Variants in SHISA6 observed in about 807,000 individuals in gnomAD.
SHISA6 encodes the protein shisa family member 6, also known as protein shisa-6.
Under a neutral mutation model 47.9 loss-of-function variants are expected in SHISA6, and 22 were observed. That is an observed-to-expected ratio of 0.46 (90% confidence interval 0.33 to 0.66). The LOEUF (loss-of-function observed/expected upper bound fraction) is 0.66, where lower values mean the gene tolerates loss of function less well. Among genes scored for constraint, SHISA6 ranks in the 30% least tolerant of loss-of-function variants. The pLI is 0.02. For synonymous variants in SHISA6, 388 were observed against 337.8 expected, an observed-to-expected ratio of 1.15 and a Z score of -1.63; for missense variants, 680 against 764.6, an observed-to-expected ratio of 0.89 and a Z score of 1.30.
At chr17:11,390,326 G>T (rs1157246323) in intron 3 of SHISA6, among the ~76,000 whole-genome samples, 1 of 152,106 alleles carries the variant, frequency 6.6e-6, no homozygotes. Context: ...ACTTATCAGG[G>T]CTGTTGTGGA....
chr17:11,378,271 G>A (rs764290224), intron 2 of SHISA6, among the ~76,000 whole-genome samples: 4 of 152,274 alleles, frequency 2.6e-5, no homozygotes, highest in African/African-American at 9.6e-5. Context: ...AATAGCACTC[G>A]TGTTCCTACT....
At position 11,490,205 on chromosome 17, in the gene SHISA6, A is replaced by T. The variant is rs996921934; in HGVS notation, c.896-61691A>T. Among the ~76,000 whole-genome samples the T allele has an allele frequency of 8.5e-5, 13 of 152,312 alleles. No homozygotes were observed. In the East Asian group the frequency reaches 2.5e-3, roughly 29 times the overall value. The stretch of plus-strand genomic sequence containing the variant: ...TAGTTCCTGGGTAGAGAGACCTTGT[A>T]GATGCATAGCGTGGGGCTGCAGAGT... On this transcript the variant is annotated intron_variant, in intron 3 of 5. Transcript: ENST00000441885.
At chr17:11,420,238 C>A (rs1158548712) in intron 3 of SHISA6, among the ~76,000 whole-genome samples, 5 of 152,140 alleles carry the variant, frequency 3.3e-5, no homozygotes, top group Admixed American at 3.3e-4. Context: ...ACAAGGAATT[C>A]ATCTGGGCTT....
Position 11,241,237 on chromosome 17 carries a change from G to C in SHISA6, c.-186G>C, listed in dbSNP as rs1373343844. On this transcript the variant is annotated 5_prime_UTR_variant, in exon 1 of 6. Coordinates refer to ENST00000441885, the MANE Select transcript of SHISA6 (RefSeq NM_207386.4). The surrounding 1 kb of genome is among the most constrained non-coding windows in gnomAD (Gnocchi z 5.5). ...TGAGAGCCCGAGCAGCCCGCGCCGG[G>C]CCGGTCCGTGCGCACCGCGCGCCGC... 3 of 166,676 alleles carry C rather than the reference G, an allele frequency of 1.8e-5. No homozygotes were observed. 10.3% of individuals were successfully genotyped at this position (166,676 alleles called of 1,614,324 possible). A position where few individuals can be genotyped will look rare whatever the true frequency, so the allele number is the denominator to read the frequency against.
chr17:11,472,492 C>A (rs541351031), intron 3 of SHISA6, among the ~76,000 whole-genome samples: 12 of 152,266 alleles, frequency 7.9e-5, no homozygotes, highest in African/African-American at 2.9e-4. Context: ...AACCATGGTG[C>A]CCAATCAGGT....
chr17:11,402,235 T>A (rs1358527137), intron 3 of SHISA6, among the ~76,000 whole-genome samples: 2 of 152,180 alleles, frequency 1.3e-5, no homozygotes, highest in Non-Finnish European at 2.9e-5. Flanking sequence ...GGGGAATATA[T>A]CCTCCTTAGG....
In SHISA6 at chr17:11,368,306, G is replaced by C. The variant is rs988645161; in HGVS notation, c.800-11108G>C. 3.0e-4 allele frequency among the ~76,000 whole-genome samples: 31 copies of C among 103,468 alleles called. No individual in the cohort carries two copies. In the South Asian group the frequency reaches 8.7e-3, roughly 29 times the overall value. 67.9% of individuals were successfully genotyped at this position (103,468 alleles called of 152,430 possible). A position where few individuals can be genotyped will look rare whatever the true frequency, so the allele number is the denominator to read the frequency against. On this transcript the variant is annotated intron_variant, in intron 2 of 5. Coordinates refer to ENST00000441885, the MANE Select transcript of SHISA6 (RefSeq NM_207386.4). ...CCTTTTGGAGGTGAGATGAGCTGAC[G>C]TGTTTTCTCCTACTAATCTTAATTA...
At chr17:11,332,538 A>G (rs1911156595) in intron 2 of SHISA6, among the ~76,000 whole-genome samples, 1 of 152,144 alleles carries the variant, frequency 6.6e-6, no homozygotes, top group African/African-American at 2.4e-5. Flanking sequence ...TGTGTCCCAC[A>G]TCCCATGATA....
At chr17:11,546,883 G>A (rs772302538) in intron 3 of SHISA6, among the ~76,000 whole-genome samples, 1 of 151,882 alleles carries the variant, frequency 6.6e-6, no homozygotes, top group Non-Finnish European at 1.5e-5. Flanking sequence ...ATTGCGCCAC[G>A]GCGCCACTGT....
intron 3 of SHISA6, among the ~76,000 whole-genome samples, chr17:11,387,104 C>T (rs78941813): frequency 6.6e-6 from 1 of 152,106 alleles, no homozygotes; most frequent in East Asian, 1.9e-4. Context: ...TGGGACTGCT[C>T]TGAGGTCACC....
intron 3 of SHISA6, among the ~76,000 whole-genome samples, chr17:11,535,069 G>A (rs533479017): frequency 8.9e-4 from 135 of 152,138 alleles, no homozygotes; most frequent in Non-Finnish European, 1.3e-3. Flanking sequence ...CAGAGGTTGC[G>A]GTGAGGGTGA....
rs1468523635 is a variant in SHISA6, at chr17:11,477,807, T to C, written c.896-74089T>C. Among the ~76,000 whole-genome samples the C allele has an allele frequency of 5.9e-5, 9 of 151,558 alleles. No individual in the cohort carries two copies. The East Asian group carries it at 1.7e-3, about 29-fold the overall frequency. On this transcript the variant is annotated intron_variant, in intron 3 of 5. Transcript: ENST00000441885. ...GTGTATATGTGCCACATTTTCTTAA[T>C]CCAGTCTATCATTGTTGGACATCTG... is the stretch of plus-strand genomic sequence containing the variant.
chr17:11,374,358 T>A (rs1293927336), intron 2 of SHISA6, among the ~76,000 whole-genome samples: 2 of 152,210 alleles, frequency 1.3e-5, no homozygotes, highest in Admixed American at 1.3e-4. Flanking sequence ...TTTAAAATTT[T>A]TTTTTGTTTT....
rs11871474 is a variant in SHISA6 at position 11,497,409 on chromosome 17, C to T, written c.896-54487C>T. Among the ~76,000 whole-genome samples, 1,349 of 152,130 alleles carry T rather than the reference C, an allele frequency of 8.9e-3. 32 individuals are homozygous for T. Among genetic ancestry groups the T allele is most frequent in the African/African-American group, 0.03 (1,256 of 41,488 alleles). ...GGCTGTGGCAGGATCCAGTTGAAAA[C>T]GGGAGGACCACTGAATAGACTACTA... On this transcript the variant is annotated intron_variant, in intron 3 of 5. Transcript: ENST00000441885.
chr17:11,538,148 C>G (rs1277051081), intron 3 of SHISA6, among the ~76,000 whole-genome samples: 1 of 152,256 alleles, frequency 6.6e-6, no homozygotes, highest in African/African-American at 2.4e-5. Flanking sequence ...ACTGCAACTT[C>G]TGCCTCTTGG....
rs1912982227 is a variant in SHISA6 at position 11,380,824 on chromosome 17, GA to G, written c.895+1316del. 5.9e-5 allele frequency among the ~76,000 whole-genome samples: 9 copies of G among 152,270 alleles called. No individual in the cohort carries two copies. The South Asian group carries it at 1.2e-3, about 21-fold the overall frequency. On this transcript the variant is annotated intron_variant, in intron 3 of 5. Coordinates refer to ENST00000441885, the MANE Select transcript of SHISA6 (RefSeq NM_207386.4). ...CTAGGGCTGGAGGATCTGCCTCCAAGACGCTTCACTCACATGGTGCTGGATG... is the reference window on the plus strand; with the variant it reads ...CTAGGGCTGGAGGATCTGCCTCCAAGCGCTTCACTCACATGGTGCTGGATG...
Position 11,241,734 on chromosome 17 carries a change from C to T in SHISA6, c.312C>T (p.Tyr104=). 1 of 1,543,596 alleles carries T rather than the reference C, an allele frequency of 6.5e-7. No individual in the cohort carries two copies. Among genetic ancestry groups the T allele is most frequent in the Non-Finnish European group, 8.7e-7 (1 of 1,146,858 alleles). Residue 104 remains tyrosine (Y), a synonymous_variant, in exon 1 of 6, where the codon TAC becomes TAT. Transcript: ENST00000441885. The surrounding 1 kb of genome is among the most constrained non-coding windows in gnomAD (Gnocchi z 5.5). ...GCTACTACGACGTGAGCGGCCAGTA[C>T]GACAAGGAGTTCGAGTGTAACAACA... The part of the protein sequence containing the change: ...CWGYYDVSGQ[Y]DKEFECNNSE...
chr17:11,342,725 G>A (rs910207955), intron 2 of SHISA6, among the ~76,000 whole-genome samples: 2 of 152,224 alleles, frequency 1.3e-5, no homozygotes, highest in African/African-American at 2.4e-5. Flanking sequence ...GGGTGATTCT[G>A]TGCAGAAGTG....
intron 2 of SHISA6, among the ~76,000 whole-genome samples, chr17:11,327,686 A>G (rs959071064): frequency 4.6e-5 from 7 of 152,120 alleles, no homozygotes; most frequent in Non-Finnish European, 8.8e-5. Flanking sequence ...AATCCCAGCT[A>G]CTTGGGAGGC....
Sources: allele counts gnomAD v4.1 joint callset (sites outside exome capture counted in the v4.1 genomes callset), GRCh38; gene constraint gnomAD v4.1.1; non-coding constraint Gnocchi (gnomAD v3.1); transcripts MANE v1.5; gene names NCBI Gene and HGNC (gene_info 2026-07-23, HGNC 2026-07-21).